The following JARID2 variants were observed in gnomAD, a reference collection of about 807,000 sequenced individuals.
The protein encoded by JARID2 is protein Jumonji.
JARID2 carries 21 observed loss-of-function variants against 125.6 expected under a neutral mutation model. The observed-to-expected ratio is 0.17, with a 90% confidence interval of 0.12 to 0.24. The LOEUF (loss-of-function observed/expected upper bound fraction) is 0.24, where lower values mean the gene tolerates loss of function less well. Ranked by LOEUF, JARID2 falls within the 10% of genes least tolerant of loss-of-function variation. The probability of loss-of-function intolerance (pLI) is 1.00; values close to 1 mark genes in which losing one functional copy is unlikely to be tolerated. For synonymous variants in JARID2, 736 were observed against 661.6 expected (o/e 1.11, Z -1.73); for missense variants, 1,303 against 1,639.6 (o/e 0.79, Z 3.55).
intron 12 of JARID2, among the ~76,000 whole-genome samples, chr6:15,508,789 T>C (rs539179913): frequency 2.0e-4 from 31 of 152,378 alleles, no homozygotes; most frequent in Admixed American, 4.6e-4. Context: ...TGTTTCGTTT[T>C]GTTTTGTTAT....
intron 3 of JARID2, among the ~76,000 whole-genome samples, chr6:15,430,934 C>G (rs1050650153): frequency 6.6e-6 from 1 of 152,156 alleles, no homozygotes; most frequent in Non-Finnish European, 1.5e-5. Context: ...AACATAGTTA[C>G]AAATTTGTTC....
chr6:15,512,461 G>C, intron 14 of JARID2, 71 bp downstream of exon 14: 1 of 1,395,314 alleles, frequency 7.2e-7, no homozygotes. Flanking sequence ...AGCGCACACA[G>C]AAGCATCCCT....
chr6:15,362,894 G>A (rs1194757515), intron 1 of JARID2, among the ~76,000 whole-genome samples: 1 of 152,112 alleles, frequency 6.6e-6, no homozygotes, highest in Non-Finnish European at 1.5e-5. Context: ...GATTTTGAAA[G>A]CAAATGTCAA....
rs1770726591 is a variant in JARID2, at chr6:15,501,379, C to T, written c.2418C>T (p.Val806=). The T allele has an allele frequency of 1.3e-6, 2 of 1,558,418 alleles. No homozygotes were observed. The highest frequency in any genetic ancestry group is 2.7e-5 in the African/African-American group (2 of 72,878). ...VVKEEEEDKG[V]LNDFHKCIYK... ...AGGAAGAGGAGGAGGACAAAGGCGT[C>T]CTCAATGACTTCCACAAGTGCATCT... Residue 806 remains valine (V), a synonymous_variant, in exon 8 of 18, where the codon GTC becomes GTT. Transcript: ENST00000341776.
chr6:15,483,826 C>G (rs2127711205), intron 5 of JARID2, among the ~76,000 whole-genome samples: 1 of 152,276 alleles, frequency 6.6e-6, no homozygotes, highest in African/African-American at 2.4e-5. Context: ...GAGGAGCTAT[C>G]TGAAAAGGAG....
At chr6:15,273,289 G>T (rs543831405) in intron 1 of JARID2, among the ~76,000 whole-genome samples, 75 of 152,352 alleles carry the variant, frequency 4.9e-4, no homozygotes, top group African/African-American at 1.5e-3. Context: ...ATAGCCAAAT[G>T]ATGTACACAT....
intron 1 of JARID2, chr6:15,248,826 C>CGGCGG (rs1759311777): frequency 1.2e-6 from 1 of 812,102 alleles, no homozygotes; most frequent in Non-Finnish European, 1.5e-6. Flanking sequence ...GCTCCAGGCG[C>CGGCGG]GGCGGGGCGG....
chr6:15,493,032 G>A (rs528387653), intron 6 of JARID2, among the ~76,000 whole-genome samples: 1 of 152,250 alleles, frequency 6.6e-6, no homozygotes, highest in East Asian at 1.9e-4. Flanking sequence ...TTTTGCCATT[G>A]AAGATAGTGA....
chr6:15,446,390 G>A (rs1767671485), intron 3 of JARID2, among the ~76,000 whole-genome samples: 1 of 152,212 alleles, frequency 6.6e-6, no homozygotes, highest in African/African-American at 2.4e-5. Context: ...TCTCCGAGGA[G>A]GTGACTTCTG....
chr6:15,346,937 T>C (rs1763263144), intron 1 of JARID2, among the ~76,000 whole-genome samples: 1 of 152,090 alleles, frequency 6.6e-6, no homozygotes, highest in South Asian at 2.1e-4. Flanking sequence ...GGTTTCACCA[T>C]GTTGGCTAGG....
chr6:15,347,249 A>G (rs1763274112), intron 1 of JARID2, among the ~76,000 whole-genome samples: 1 of 152,194 alleles, frequency 6.6e-6, no homozygotes, highest in South Asian at 2.1e-4. Context: ...GGACCCAGGT[A>G]GGTGGTGAAA....
chr6:15,460,580 G>A lies in JARID2; in HGVS notation c.494-7962G>A, dbSNP rs146955181. ...CTAAAGTCCCTGGTGTCTGTGTCCC[G>A]CAGGGAAGTTGAGTATTCAGCTTCT... On this transcript the variant is annotated intron_variant, in intron 4 of 17. Transcript: ENST00000341776. Among the ~76,000 whole-genome samples, 154 of 152,324 alleles carry A rather than the reference G, an allele frequency of 1.0e-3. 1 individual carries two copies. The Middle Eastern group carries it at 0.01, about 10-fold the overall frequency.
chr6:15,465,135 G>C (rs1768655022), intron 4 of JARID2, among the ~76,000 whole-genome samples: 1 of 152,144 alleles, frequency 6.6e-6, no homozygotes, highest in Non-Finnish European at 1.5e-5. Context: ...CATAATGTTG[G>C]TTGTTTTCTG....
At chr6:15,481,329 T>C (rs1432138247) in intron 5 of JARID2, among the ~76,000 whole-genome samples, 1 of 152,254 alleles carries the variant, frequency 6.6e-6, no homozygotes, top group Non-Finnish European at 1.5e-5. Context: ...ATGCTTTTTT[T>C]CTCTCCTTAA....
At chr6:15,411,543 C>T (rs1050198380) in intron 3 of JARID2, among the ~76,000 whole-genome samples, 5 of 152,202 alleles carry the variant, frequency 3.3e-5, no homozygotes, top group Admixed American at 3.3e-4. Flanking sequence ...GTGTACTGAG[C>T]TTTGTATGTC....
At chr6:15,336,620 T>C (rs1377032404) in intron 1 of JARID2, among the ~76,000 whole-genome samples, 1 of 151,974 alleles carries the variant, frequency 6.6e-6, no homozygotes, top group Non-Finnish European at 1.5e-5. Context: ...TGTTCTAATT[T>C]AGCATTGGTT....
intron 1 of JARID2, among the ~76,000 whole-genome samples, chr6:15,342,780 G>A (rs938602724): frequency 4.6e-5 from 7 of 152,082 alleles, no homozygotes; most frequent in African/African-American, 1.7e-4. Flanking sequence ...TATGCATCTT[G>A]ACCTTTTCCC....
At chr6:15,253,690 T>C (rs1396698649) in intron 1 of JARID2, among the ~76,000 whole-genome samples, 1 of 152,210 alleles carries the variant, frequency 6.6e-6, no homozygotes, top group African/African-American at 2.4e-5. Context: ...TGCCCACCTC[T>C]ACTGGGGTTC....
chr6:15,344,865 A>C (rs1247691157), intron 1 of JARID2, among the ~76,000 whole-genome samples: 1 of 152,080 alleles, frequency 6.6e-6, no homozygotes, highest in Non-Finnish European at 1.5e-5. Context: ...ATATCAAAAA[A>C]CGTTTTGAAG....
Sources: allele counts gnomAD v4.1 joint callset (sites outside exome capture counted in the v4.1 genomes callset), GRCh38; gene constraint gnomAD v4.1.1; transcripts MANE v1.5; gene names NCBI Gene and HGNC (gene_info 2026-07-23, HGNC 2026-07-21).